TLK1: variants seen among roughly 807,000 people sequenced by gnomAD.
TLK1 encodes tousled like kinase 1.
A neutral mutation model predicts 105.3 loss-of-function variants in TLK1; 24 were observed. The observed-to-expected ratio is 0.23, with a 90% CI of 0.17 to 0.32. The LOEUF is 0.32. Ranked by LOEUF, TLK1 falls within the 10% of genes least tolerant of loss-of-function variation. The probability of loss-of-function intolerance (pLI) is 1.00; values close to 1 mark genes in which losing one functional copy is unlikely to be tolerated. For synonymous variants in TLK1, 321 were observed against 310.4 expected (o/e 1.03, Z -0.36); for missense variants, 558 against 910.5 (o/e 0.61, Z 4.98).
chr2:171,105,226 A>T (rs1689867101), intron 2 of TLK1, among the ~76,000 whole-genome samples: 2 of 152,218 alleles, frequency 1.3e-5, no homozygotes, highest in African/African-American at 4.8e-5. Context: ...CCTGCAAGAA[A>T]GTGATTTGTA....
chr2:171,173,318 G>A (rs1221716559), intron 1 of TLK1, among the ~76,000 whole-genome samples: 2 of 152,148 alleles, frequency 1.3e-5, no homozygotes, highest in Non-Finnish European at 2.9e-5. Context: ...ATCTACTCTT[G>A]TGACTCATAC....
intron 2 of TLK1, among the ~76,000 whole-genome samples, chr2:171,116,336 C>G (rs1690425607): frequency 6.6e-6 from 1 of 152,086 alleles, no homozygotes. Flanking sequence ...GAAAGTAATA[C>G]TAATATAAAA....
At chr2:171,016,630 A>G (rs1018345484) in intron 12 of TLK1, among the ~76,000 whole-genome samples, 8 of 152,364 alleles carry the variant, frequency 5.3e-5, no homozygotes, top group African/African-American at 1.7e-4. Flanking sequence ...ACCTCAAAAT[A>G]TAACTCTGAA....
chr2:171,076,246 GGCCTCATGAATGGATTAAT>G (rs1463726316), intron 3 of TLK1, among the ~76,000 whole-genome samples: 1 of 151,622 alleles, frequency 6.6e-6, no homozygotes, highest in Non-Finnish European at 1.5e-5. Context: ...AAGAGGTAGG[GGCCTCATGAATGGATTAAT>G]GCCATTATTG....
At chr2:171,093,224 T>C (rs894961958) in intron 2 of TLK1, among the ~76,000 whole-genome samples, 2 of 152,182 alleles carry the variant, frequency 1.3e-5, no homozygotes, top group Non-Finnish European at 2.9e-5. Flanking sequence ...TGCCACACAG[T>C]CCTTTGTCTT....
Position 170,993,687 on chromosome 2 carries a change from A to AG in TLK1, c.*92_*93insC, listed in dbSNP as rs1683901505. ...CTTGTGTAAAAAAAAAAAAAAAAAA[A>AG]AAAGAAAAAGAAAACAAACACTCAA... is the stretch of plus-strand genomic sequence containing the variant. On this transcript the variant is annotated 3_prime_UTR_variant, in exon 21 of 21. Coordinates refer to ENST00000431350, the MANE Select transcript of TLK1 (RefSeq NM_012290.5). 5 of 1,001,198 alleles carry AG rather than the reference A, an allele frequency of 5.0e-6. No individual in the cohort carries two copies. Among genetic ancestry groups the AG allele is most frequent in the South Asian group, 3.0e-5 (1 of 33,354 alleles). 62.0% of individuals were successfully genotyped at this position (1,001,198 alleles called of 1,614,324 possible). A position where few individuals can be genotyped will look rare whatever the true frequency, so the allele number is the denominator to read the frequency against.
intron 12 of TLK1, among the ~76,000 whole-genome samples, chr2:171,027,563 C>T (rs189790780): frequency 4.2e-4 from 64 of 152,232 alleles, no homozygotes; most frequent in Non-Finnish European, 7.6e-4. Flanking sequence ...CTTTTTCCTA[C>T]GTACATCTTC....
chr2:171,212,174 C>T (rs980572522), intron 1 of TLK1, among the ~76,000 whole-genome samples: 3 of 152,130 alleles, frequency 2.0e-5, no homozygotes, highest in Non-Finnish European at 4.4e-5. Context: ...ACAAGCCTTT[C>T]CGGACCTCCA....
intron 1 of TLK1, among the ~76,000 whole-genome samples, chr2:171,146,669 CAT>C (rs1248745785): frequency 6.6e-6 from 1 of 152,184 alleles, no homozygotes; most frequent in Non-Finnish European, 1.5e-5. Context: ...CCAATCAAGA[CAT>C]ATCAACTGAA....
At chr2:171,009,014 T>C (rs1684776425) in intron 14 of TLK1, among the ~76,000 whole-genome samples, 1 of 152,306 alleles carries the variant, frequency 6.6e-6, no homozygotes, top group South Asian at 2.1e-4. Context: ...TTCTACCTTA[T>C]GGTAAGCCTA....
In TLK1 at chr2:171,011,391, G is replaced by A; in HGVS notation, c.1398C>T (p.Gly466=). Residue 466 remains glycine, a synonymous_variant, in exon 14 of 21, where the codon GGC becomes GGT. Transcript: ENST00000431350. ...YLLLHLLGRG[G]FSEVYKAFDL... Reference sequence around the variant, plus strand: ...ACATTACCTTATACACTTCACTAAAGCCACCTCTACCAAGCAGATGAAGTA... The same window carrying A: ...ACATTACCTTATACACTTCACTAAAACCACCTCTACCAAGCAGATGAAGTA... 6.2e-7 allele frequency: 1 copy of A among 1,612,944 alleles called. No homozygotes were observed. Among genetic ancestry groups the A allele is most frequent in the South Asian group, 1.1e-5 (1 of 90,888 alleles).
intron 8 of TLK1, among the ~76,000 whole-genome samples, chr2:171,052,341 C>G (rs1373021570): frequency 6.6e-6 from 1 of 152,124 alleles, no homozygotes; most frequent in Non-Finnish European, 1.5e-5. Flanking sequence ...TGCGTATGCC[C>G]TGTACTCTGG....
rs184949754 is a variant in TLK1 at position 171,101,698 on chromosome 2, G to A, written c.258+16041C>T. On this transcript the variant is annotated intron_variant, in intron 2 of 20. Coordinates refer to ENST00000431350, the MANE Select transcript of TLK1 (RefSeq NM_012290.5). ...GTGGAGGGAAATCAGAAGGAAAAAA[G>A]CTCAACAAAGTACAGTATATAATCA... Among the ~76,000 whole-genome samples the A allele has an allele frequency of 1.9e-4, 29 of 152,222 alleles. 1 individual carries two copies. In the East Asian group the frequency reaches 3.7e-3, roughly 19 times the overall value.
At chr2:171,021,493 C>T (rs1368318914) in intron 12 of TLK1, among the ~76,000 whole-genome samples, 1 of 146,188 alleles carries the variant, frequency 6.8e-6, no homozygotes, top group African/African-American at 2.6e-5. Context: ...ATTTCCAACT[C>T]CTGGGCTGAA....
At chr2:171,030,257 G>C (rs2105396272) in intron 11 of TLK1, among the ~76,000 whole-genome samples, 1 of 152,092 alleles carries the variant, frequency 6.6e-6, no homozygotes, top group East Asian at 1.9e-4. Flanking sequence ...AGTATTCAAA[G>C]GAAATAAACA....
chr2:171,176,305 G>C (rs1692823440), intron 1 of TLK1, among the ~76,000 whole-genome samples: 1 of 152,146 alleles, frequency 6.6e-6, no homozygotes, highest in Non-Finnish European at 1.5e-5. Context: ...GCAGCACACT[G>C]TGTGGGTTTA....
intron 1 of TLK1, among the ~76,000 whole-genome samples, chr2:171,140,613 A>G (rs897859687): frequency 1.3e-5 from 2 of 152,236 alleles, no homozygotes; most frequent in Non-Finnish European, 2.9e-5. Flanking sequence ...TCAATCCTTA[A>G]AAGTGAATTA....
At chr2:171,002,877 T>A (rs988457576) in intron 18 of TLK1, among the ~76,000 whole-genome samples, 2 of 151,716 alleles carry the variant, frequency 1.3e-5, no homozygotes, top group African/African-American at 4.8e-5. Flanking sequence ...GCTCAAGTGA[T>A]CTGATCTGCC....
At chr2:171,229,080 A>G (rs1268568806) in intron 1 of TLK1, among the ~76,000 whole-genome samples, 1 of 152,206 alleles carries the variant, frequency 6.6e-6, no homozygotes, top group Non-Finnish European at 1.5e-5. Flanking sequence ...TCAGGGAACA[A>G]TATGGTCTTA....
Sources: gnomAD v4.1 joint callset for allele counts (sites outside exome capture counted in the v4.1 genomes callset) on GRCh38, gnomAD v4.1.1 for gene constraint, MANE v1.5 for transcripts, NCBI Gene and HGNC (gene_info 2026-07-23, HGNC 2026-07-21) for gene names.